Variants in LARGE1 observed in about 807,000 individuals in gnomAD.
LARGE1 encodes the protein xylosyl- and glucuronyltransferase LARGE1.
Under a neutral mutation model 87.6 loss-of-function variants are expected in LARGE1, and 43 were observed. The ratio of observed to expected loss-of-function variants is 0.49; its 90% CI spans 0.38 to 0.63. The LOEUF (loss-of-function observed/expected upper bound fraction) is 0.63, where lower values mean the gene tolerates loss of function less well. Among genes scored for constraint, LARGE1 ranks in the 30% least tolerant of loss-of-function variants. LARGE1 has a pLI of 0.00. For synonymous variants in LARGE1, 434 were observed against 394.6 expected (o/e 1.10, Z -1.18); for missense variants, 802 against 1,000.2 (o/e 0.80, Z 2.67).
chr22:33,604,999 T>G (rs558356569), intron 4 of LARGE1, among the ~76,000 whole-genome samples: 6 of 151,726 alleles, frequency 4.0e-5, no homozygotes, highest in African/African-American at 1.5e-4. Context: ...AATAGCACAG[T>G]GTAAGTTCTG....
intron 9 of LARGE1, among the ~76,000 whole-genome samples, chr22:33,339,154 TAA>T (rs1182760420): frequency 1.8e-4 from 18 of 99,002 alleles, no homozygotes; most frequent in African/African-American, 4.1e-4. Flanking sequence ...TCTCAAAAAA[TAA>T]AAAAAAAAAA....
chr22:33,873,108 C>CT (rs2146693026), intron 1 of LARGE1: 1 of 152,424 alleles, frequency 6.6e-6, no homozygotes, highest in Admixed American at 6.5e-5. Context: ...GCCCACTCAC[C>CT]TCTGCCCAAA....
chr22:33,918,580 T>A (rs951043814), intron 1 of LARGE1, among the ~76,000 whole-genome samples: 8 of 152,212 alleles, frequency 5.3e-5, no homozygotes, highest in Admixed American at 5.2e-4. Context: ...TCTTTTATTT[T>A]TACCCCTAGG....
chr22:33,905,307 G>A (rs995543432), intron 1 of LARGE1, among the ~76,000 whole-genome samples: 11 of 151,796 alleles, frequency 7.2e-5, no homozygotes, highest in East Asian at 1.9e-4. Flanking sequence ...AGGCTCAAGC[G>A]ATCCTCCCAC....
At chr22:33,188,791 G>A (rs968800671) in intron 11 of LARGE1, among the ~76,000 whole-genome samples, 4 of 152,144 alleles carry the variant, frequency 2.6e-5, no homozygotes, top group African/African-American at 9.7e-5. Context: ...CTGGACCACT[G>A]CCAATTTGGA....
intron 6 of LARGE1, among the ~76,000 whole-genome samples, chr22:33,512,669 G>A (rs984251754): frequency 6.6e-6 from 1 of 152,148 alleles, no homozygotes; most frequent in African/African-American, 2.4e-5. Flanking sequence ...CGGGAGTGGT[G>A]GCAGGCGCCT....
At chr22:33,230,001 G>GTTTTTTTTTTTTTTTTT in intron 11 of LARGE1, among the ~76,000 whole-genome samples, 1 of 111,680 alleles carries the variant, frequency 9.0e-6, no homozygotes, top group African/African-American at 3.1e-5. Flanking sequence ...CATTTTCAAA[G>GTTTTTTTTTTTTTTTTT]TTCTTTTTTT....
At chr22:33,870,595 G>A (rs1182113986) in intron 1 of LARGE1, among the ~76,000 whole-genome samples, 1 of 151,782 alleles carries the variant, frequency 6.6e-6, no homozygotes, top group Non-Finnish European at 1.5e-5. Context: ...GTTTGAGACC[G>A]TCTCGTTCTG....
intron 2 of LARGE1, among the ~76,000 whole-genome samples, chr22:33,745,907 C>A (rs544904134): frequency 6.6e-6 from 1 of 152,182 alleles, no homozygotes; most frequent in Non-Finnish European, 1.5e-5. Flanking sequence ...GGAGAACTAA[C>A]CAGGAGGGAG....
intron 4 of LARGE1, among the ~76,000 whole-genome samples, chr22:33,605,700 T>C (rs182986814): frequency 1.7e-4 from 26 of 152,236 alleles, no homozygotes; most frequent in Admixed American, 4.6e-4. Context: ...CGTAATGCCA[T>C]GAATGAGTAC....
At chr22:33,664,349 C>G (rs1441004487) in intron 2 of LARGE1, among the ~76,000 whole-genome samples, 1 of 152,232 alleles carries the variant, frequency 6.6e-6, no homozygotes, top group African/African-American at 2.4e-5. Context: ...ATCTAGGACT[C>G]ACTCCTGAAT....
chr22:33,406,066 A>G (rs1196951027), intron 7 of LARGE1, among the ~76,000 whole-genome samples: 1 of 152,186 alleles, frequency 6.6e-6, no homozygotes, highest in Non-Finnish European at 1.5e-5. Context: ...CCAGAAATAA[A>G]CTTTGAAACC....
intron 6 of LARGE1, among the ~76,000 whole-genome samples, chr22:33,543,417 C>T (rs776471378): frequency 1.3e-5 from 2 of 152,114 alleles, no homozygotes; most frequent in Non-Finnish European, 2.9e-5. Context: ...ATCCTCTAAA[C>T]GGCTACAGAA....
At chr22:33,080,965 C>CCATT in the LARGE1 span, among the ~76,000 whole-genome samples, 1 of 150,240 alleles carries the variant, frequency 6.7e-6, no homozygotes, top group Non-Finnish European at 1.5e-5. Flanking sequence ...ATCCATCCAT[C>CCATT]CATCCATCCA....
intron 6 of LARGE1, among the ~76,000 whole-genome samples, chr22:33,464,124 T>C (rs1025546692): frequency 2.6e-5 from 4 of 152,054 alleles, no homozygotes; most frequent in African/African-American, 9.7e-5. Context: ...AAACAACCAA[T>C]GGAACTTATT....
At chr22:33,127,906 T>C in the LARGE1 span, among the ~76,000 whole-genome samples, 9 of 152,354 alleles carry the variant, frequency 5.9e-5, no homozygotes, top group South Asian at 1.7e-3. Context: ...TTCTTGGCAC[T>C]GTAAGTTAAT....
chr22:33,281,081 C>G (rs1276509084), intron 13 of LARGE1, among the ~76,000 whole-genome samples: 1 of 152,098 alleles, frequency 6.6e-6, no homozygotes, highest in Admixed American at 6.6e-5. Context: ...ATTTGGAGAG[C>G]AGGTGACAAT....
intron 9 of LARGE1, among the ~76,000 whole-genome samples, chr22:33,342,166 T>G (rs1412879999): frequency 1.3e-5 from 2 of 152,180 alleles, no homozygotes; most frequent in East Asian, 3.9e-4. Flanking sequence ...TGGGCTGGTG[T>G]CACTCACACC....
intron 5 of LARGE1, among the ~76,000 whole-genome samples, chr22:33,594,710 G>A (rs1206544080): frequency 6.6e-6 from 1 of 152,142 alleles, no homozygotes; most frequent in Non-Finnish European, 1.5e-5. Flanking sequence ...GGGTTCAAGC[G>A]ATTCTCCTGC....
Sources: gnomAD v4.1 joint callset for allele counts (sites outside exome capture counted in the v4.1 genomes callset) on GRCh38, gnomAD v4.1.1 for gene constraint, MANE v1.5 for transcripts, NCBI Gene and HGNC (gene_info 2026-07-23, HGNC 2026-07-21) for gene names.